Variants in ACTR3B observed in about 807,000 individuals in gnomAD.
ACTR3B encodes the protein actin related protein 3B.
In ACTR3B, 8 loss-of-function variants were observed where a neutral mutation model predicts 59.0. The observed-to-expected ratio is 0.14, with a 90% confidence interval of 0.08 to 0.24. The LOEUF (loss-of-function observed/expected upper bound fraction) is 0.24, where lower values mean the gene tolerates loss of function less well. Among genes scored for constraint, ACTR3B ranks in the 10% least tolerant of loss-of-function variants. ACTR3B has a pLI of 1.00. For missense variants in ACTR3B, 245 were observed against 552.3 expected (o/e 0.44, Z 5.58); for synonymous variants, 148 against 197.9 (o/e 0.75, Z 2.12).
intron 1 of ACTR3B, among the ~76,000 whole-genome samples, chr7:152,774,864 G>A (rs577477145): frequency 1.3e-5 from 2 of 152,228 alleles, no homozygotes; most frequent in African/African-American, 2.4e-5. Flanking sequence ...GAGATTGTGC[G>A]TTGCTTTAAA....
At chr7:152,797,794 T>C (rs1355094430) in intron 2 of ACTR3B, among the ~76,000 whole-genome samples, 1 of 152,226 alleles carries the variant, frequency 6.6e-6, no homozygotes, top group Non-Finnish European at 1.5e-5. Flanking sequence ...TTTGTCTTTC[T>C]GTGCCTGGCT....
At chr7:152,815,593 C>A (rs35845326) in intron 5 of ACTR3B, among the ~76,000 whole-genome samples, 1 of 152,196 alleles carries the variant, frequency 6.6e-6, no homozygotes, top group African/African-American at 2.4e-5. Flanking sequence ...TTGTGGGCGC[C>A]GCCGTGTGCA....
intron 2 of ACTR3B, among the ~76,000 whole-genome samples, chr7:152,785,620 C>A (rs1035320781): frequency 7.4e-6 from 1 of 135,602 alleles, no homozygotes; most frequent in Non-Finnish European, 1.6e-5. Flanking sequence ...CCTGGGTCAC[C>A]GTGGACAGTT....
chr7:152,787,668 T>C (rs1380571266), intron 2 of ACTR3B, among the ~76,000 whole-genome samples: 1 of 152,186 alleles, frequency 6.6e-6, no homozygotes, highest in Admixed American at 6.5e-5. Flanking sequence ...TTGGCACACC[T>C]CTTTGATCAT....
At chr7:152,851,984 GT>G (rs1798841391) in intron 9 of ACTR3B, 141 bp from the exon 10 acceptor site, 4 of 1,106,984 alleles carry the variant, frequency 3.6e-6, no homozygotes, top group Non-Finnish European at 4.0e-6. Context: ...ATAGCATTAA[GT>G]TTGCTTTTGT....
chr7:152,777,066 G>T (rs906412296), intron 1 of ACTR3B, among the ~76,000 whole-genome samples: 1 of 152,034 alleles, frequency 6.6e-6, no homozygotes, highest in Non-Finnish European at 1.5e-5. Flanking sequence ...ATACTTATGT[G>T]GGGTAGGTTC....
intron 1 of ACTR3B, among the ~76,000 whole-genome samples, chr7:152,765,011 A>G (rs2098103776): frequency 6.6e-6 from 1 of 152,208 alleles, no homozygotes; most frequent in African/African-American, 2.4e-5. Context: ...AGCATCCTCC[A>G]AAGTTCTACA....
intron 11 of ACTR3B, among the ~76,000 whole-genome samples, chr7:152,853,897 T>C (rs2117033899): frequency 6.6e-6 from 1 of 152,074 alleles, no homozygotes; most frequent in Admixed American, 6.5e-5. Context: ...TTTTTTGTTG[T>C]ATTTTTAGTA....
At chr7:152,838,478 T>C (rs1422547194) in intron 9 of ACTR3B, among the ~76,000 whole-genome samples, 1 of 152,100 alleles carries the variant, frequency 6.6e-6, no homozygotes, top group Non-Finnish European at 1.5e-5. Flanking sequence ...AAGTGGGAGT[T>C]GAACAATGAG....
intron 9 of ACTR3B, among the ~76,000 whole-genome samples, chr7:152,846,564 T>A (rs1798313908): frequency 7.3e-6 from 1 of 136,884 alleles, no homozygotes; most frequent in African/African-American, 2.8e-5. Flanking sequence ...GGCTGCAGTC[T>A]GTAGTGAGCT....
intron 2 of ACTR3B, among the ~76,000 whole-genome samples, chr7:152,791,494 C>T (rs559155091): frequency 4.2e-4 from 64 of 152,268 alleles, no homozygotes; most frequent in African/African-American, 1.4e-3. Context: ...CCTATTTTGC[C>T]CCCAAAGGTT....
intron 2 of ACTR3B, among the ~76,000 whole-genome samples, chr7:152,797,296 T>C (rs1447536136): frequency 6.6e-6 from 1 of 152,024 alleles, no homozygotes; most frequent in Non-Finnish European, 1.5e-5. Context: ...GCCCAGGCTG[T>C]TCTGAAACTC....
chr7:152,835,217 A>C (rs1006070334), intron 9 of ACTR3B, among the ~76,000 whole-genome samples: 18 of 152,218 alleles, frequency 1.2e-4, no homozygotes, highest in Non-Finnish European at 2.9e-5. Context: ...GACTGCACTC[A>C]TTCCCCAGCC....
chr7:152,787,754 G>A (rs1014245714), intron 2 of ACTR3B, among the ~76,000 whole-genome samples: 12 of 151,986 alleles, frequency 7.9e-5, no homozygotes, highest in African/African-American at 1.9e-4. Context: ...TGTTCCGTAC[G>A]TTCCATACTC....
chr7:152,851,161 C>T (rs1320445786), intron 9 of ACTR3B, among the ~76,000 whole-genome samples: 1 of 152,132 alleles, frequency 6.6e-6, no homozygotes, highest in Non-Finnish European at 1.5e-5. Context: ...AGAAATTAGG[C>T]ACAGTAAGAG....
In ACTR3B at chr7:152,812,019, C is replaced by CTTTTTTTTTTTTT. The variant is rs1164677748; in HGVS notation, c.337-2514_337-2502dup. 95 of 23,378 alleles carry CTTTTTTTTTTTTT rather than the reference C, an allele frequency of 4.1e-3. 25 individuals carry two copies. The highest frequency in any genetic ancestry group is 7.7e-3 in the East Asian group (3 of 390). The allele number at this position is 23,378 out of a possible 1,614,324, so 1.4% of individuals were successfully genotyped here. On this transcript the variant is annotated intron_variant, in intron 4 of 11. Transcript: ENST00000256001. ...TTCTTAATTCCCAGAAAATAAAAGT[C>CTTTTTTTTTTTTT]TTTTTTTTTTTTTTTTTTTTTTTTT...
chr7:152,772,385 TGTG>T (rs1206961365), intron 1 of ACTR3B, among the ~76,000 whole-genome samples: 3 of 151,128 alleles, frequency 2.0e-5, no homozygotes, highest in African/African-American at 7.3e-5. Context: ...AAAAGCCAGG[TGTG>T]GTGATGCGTG....
intron 2 of ACTR3B, among the ~76,000 whole-genome samples, chr7:152,795,036 C>CTTT (rs1181143284): frequency 1.5e-5 from 2 of 137,768 alleles, no homozygotes; most frequent in East Asian, 2.1e-4. Flanking sequence ...GTTTCACTCT[C>CTTT]TTTTTTTTTT....
rs779909545 is a variant in ACTR3B at position 152,796,860 on chromosome 7, G to GTTTTTTTT, written c.101-3640_101-3633dup. On this transcript the variant is annotated intron_variant, in intron 2 of 11. Transcript: ENST00000256001. ...GTTGGGACTCCCGGCTAGTTTTTGTGTTTTTTTTTTTTTTTTTTTTTTTTT... is the reference window on the plus strand; with the variant it reads ...GTTGGGACTCCCGGCTAGTTTTTGTGTTTTTTTTTTTTTTTTTTTTTTTTTTTTTTTTT... Among the ~76,000 whole-genome samples, 24 of 54,748 alleles carry GTTTTTTTT rather than the reference G, an allele frequency of 4.4e-4. 1 individual carries two copies. Among genetic ancestry groups the GTTTTTTTT allele is most frequent in the African/African-American group, 1.0e-3 (15 of 14,408 alleles). 35.9% of individuals were successfully genotyped at this position (54,748 alleles called of 152,430 possible). A position where few individuals can be genotyped will look rare whatever the true frequency, so the allele number is the denominator to read the frequency against.
Sources: allele counts gnomAD v4.1 joint callset (sites outside exome capture counted in the v4.1 genomes callset), GRCh38; gene constraint gnomAD v4.1.1; transcripts MANE v1.5; gene names NCBI Gene and HGNC (gene_info 2026-07-23, HGNC 2026-07-21).